DLL4: variants seen among roughly 807,000 people sequenced by gnomAD.
The protein encoded by DLL4 is delta-like protein 4.
Under a neutral mutation model 73.6 loss-of-function variants are expected in DLL4, and 7 were observed. The ratio of observed to expected loss-of-function variants is 0.10; its 90% CI spans 0.05 to 0.18. The LOEUF (loss-of-function observed/expected upper bound fraction) is 0.18. Ranked by LOEUF, DLL4 falls within the 10% of genes least tolerant of loss-of-function variation. The probability of loss-of-function intolerance (pLI) is 1.00; values close to 1 mark genes in which losing one functional copy is unlikely to be tolerated. For synonymous variants in DLL4, 345 were observed against 374.3 expected, an observed-to-expected ratio of 0.92 and a Z score of 0.90; for missense variants, 614 against 929.9, an observed-to-expected ratio of 0.66 and a Z score of 4.42.
In DLL4 at chr15:40,930,743, C is replaced by T. The variant is rs1892757587; in HGVS notation, c.394+61C>T. 6.5e-7 allele frequency: 1 copy of T among 1,541,186 alleles called. No homozygotes were observed. Among genetic ancestry groups the T allele is most frequent in the Non-Finnish European group, 8.9e-7 (1 of 1,120,494 alleles). On this transcript the variant is annotated intron_variant, in intron 3 of 10. Transcript: ENST00000249749. The surrounding 1 kb of genome is among the most constrained non-coding windows in gnomAD (Gnocchi z 5.7). ...ACGGCGCAGCGCCGAAAGAGTTAATCTGTTCTAGGCGGGGGAAGTGCGGGC... is the reference window on the plus strand; with the variant it reads ...ACGGCGCAGCGCCGAAAGAGTTAATTTGTTCTAGGCGGGGGAAGTGCGGGC...
chr15:40,932,340 G>A lies in DLL4; in HGVS notation c.743G>A (p.Arg248Gln), dbSNP rs139491690. ...ECLCRPGWQG[R>Q]LCNECIPHNG... ...AGCTGCCGCCCAGGCTGGCAGGGCC[G>A]GCTGTGTAACGAATGCATCCCCCAC... Residue 248 changes from arginine (R) to glutamine (Q), a missense_variant, in exon 6 of 11, where the codon CGG (arginine) becomes CAG (glutamine). Arg to Gln is a conservative substitution (Grantham distance 43, BLOSUM62 1). Coordinates refer to ENST00000249749, the MANE Select transcript of DLL4 (RefSeq NM_019074.4). The A allele has an allele frequency of 7.3e-4, 1,173 of 1,614,010 alleles. 2 individuals are homozygous for A. The highest frequency in any genetic ancestry group is 1.2e-3 in the Middle Eastern group (7 of 6,062).
chr15:40,936,145 C>A (rs1016842579), intron 8 of DLL4, 83 bp from the exon 9 acceptor site: 49 of 1,268,194 alleles, frequency 3.9e-5, no homozygotes, highest in Admixed American at 1.8e-4. Flanking sequence ...AGGGCCCGAA[C>A]GTGTTCCTGG....
At chr15:40,935,183 G>A in intron 8 of DLL4, 66 bp downstream of exon 8, 1 of 1,470,830 alleles carries the variant, frequency 6.8e-7, no homozygotes, top group Non-Finnish European at 9.2e-7. Flanking sequence ...TCTGGTGAGG[G>A]AGGGTCAGGA....
chr15:40,934,454 T>C (rs1892814501), intron 6 of DLL4, 94 bp from the exon 7 acceptor site: 1 of 1,363,958 alleles, frequency 7.3e-7, no homozygotes, highest in South Asian at 1.4e-5. Flanking sequence ...GAGGTGTCTT[T>C]GAGCCAAACA....
Position 40,932,540 on chromosome 15 carries a change from G to T in DLL4, c.850+93G>T. The stretch of plus-strand genomic sequence containing the variant: ...TCGTCACCTGGATCCTTCTTACTTG[G>T]TGACTGCAGACTTGGCTTTCCCATG... On this transcript the variant is annotated intron_variant, in intron 6 of 10. Transcript: ENST00000249749. 2.0e-6 allele frequency: 3 copies of T among 1,503,606 alleles called. No homozygotes were observed. The South Asian group carries it at 3.6e-5, about 18-fold the overall frequency. 93.1% of individuals were successfully genotyped at this position (1,503,606 alleles called of 1,614,324 possible). A position where few individuals can be genotyped will look rare whatever the true frequency, so the allele number is the denominator to read the frequency against.
At chr15:40,931,350 C>A (rs1025903188) in intron 3 of DLL4, 153 bp from the exon 4 acceptor site, 1 of 918,714 alleles carries the variant, frequency 1.1e-6, no homozygotes, top group Non-Finnish European at 1.6e-6. Context: ...GTCCCTCTGG[C>A]CTGTTCTTGC....
rs1390892163 is a variant in DLL4 at position 40,936,336 on chromosome 15, C to T, written c.1349C>T (p.Ala450Val). Reference protein sequence around the residue: ...HVSDCARNPCAHGGTCHDLEN... With the variant: ...HVSDCARNPCVHGGTCHDLEN... ...AGCGACTGTGCCCGTAACCCTTGCG[C>T]CCACGGTGGCACTTGCCATGACCTG... The change falls in exon 9 of 11, where the codon GCC (alanine) becomes GTC (valine). Residue 450 changes from alanine to valine, a missense_variant. Ala to Val is a moderately conservative substitution (Grantham distance 64). Around this residue, in one of 3 missense-constraint regions of DLL4, gnomAD observed 386 missense variants for 541.3 expected, o/e 0.71. Transcript: ENST00000249749. The T allele has an allele frequency of 1.2e-6, 2 of 1,609,954 alleles. No individual in the cohort carries two copies. The highest frequency in any genetic ancestry group is 1.7e-5 in the Admixed American group (1 of 59,560).
Position 40,930,565 on chromosome 15 carries a change from C to A in DLL4, c.337-60C>A, listed in dbSNP as rs1892752566. The A allele has an allele frequency of 5.0e-6, 7 of 1,414,050 alleles. No individual in the cohort carries two copies. Among genetic ancestry groups the A allele is most frequent in the Non-Finnish European group, 6.0e-6 (6 of 1,003,358 alleles). 87.6% of individuals were successfully genotyped at this position (1,414,050 alleles called of 1,614,324 possible). A position where few individuals can be genotyped will look rare whatever the true frequency, so the allele number is the denominator to read the frequency against. On this transcript the variant is annotated intron_variant, in intron 2 of 10. Coordinates refer to ENST00000249749, the MANE Select transcript of DLL4 (RefSeq NM_019074.4). This position sits in a 1 kb window ranked among gnomAD's most constrained non-coding sequence, Gnocchi z 5.7. Reference sequence around the variant, plus strand: ...AATTAAACAGGCTGCCGCAAGGCACCCCCACCTCTCCCCGCTTGCTCATCT... The same window carrying A: ...AATTAAACAGGCTGCCGCAAGGCACACCCACCTCTCCCCGCTTGCTCATCT...
In DLL4 at chr15:40,936,830, T is replaced by C. The variant is rs1205809767; in HGVS notation, c.1843T>C (p.Tyr615His). 6.2e-7 allele frequency: 1 copy of C among 1,613,482 alleles called. No homozygotes were observed. Among genetic ancestry groups the C allele is most frequent in the Non-Finnish European group, 8.5e-7 (1 of 1,179,878 alleles). The change falls in exon 9 of 11, where the codon TAT becomes CAT. Residue 615 changes from tyrosine (Y) to histidine (H), a missense_variant. Physicochemically the swap from Tyr to His is moderately conservative, Grantham distance 83. This residue lies in a region of DLL4 where 386 missense variants were observed against 541.3 expected (regional missense o/e 0.71). Coordinates refer to ENST00000249749, the MANE Select transcript of DLL4 (RefSeq NM_019074.4). Reference sequence around the variant, plus strand: ...CAAACAGCAAAACCACACATTGGACTATAATCTGGCCCCAGGGCCCCTGGG... The same window carrying C: ...CAAACAGCAAAACCACACATTGGACCATAATCTGGCCCCAGGGCCCCTGGG... The part of the protein sequence containing the change: ...CGKQQNHTLD[Y>H]NLAPGPLGRG...
rs28568593 is a variant in DLL4 at position 40,934,951 on chromosome 15, T to C, written c.1074T>C (p.His358=). 13,847 of 1,613,742 alleles carry C rather than the reference T, an allele frequency of 8.6e-3. 97 individuals are homozygous for C. The highest frequency in any genetic ancestry group is 0.035 in the African/African-American group (2,612 of 75,052). ...CLCPPGYYGL[H]CEHSTLSCAD... is the part of the protein sequence containing the mutation. ...GTCCTCCGGGCTACTATGGCCTGCA[T>C]TGTGAACACAGCACCTTGAGCTGCG... Residue 358 remains histidine (H), a synonymous_variant, in exon 8 of 11, where the codon CAT becomes CAC. Transcript: ENST00000249749.
chr15:40,929,898 G>C lies in DLL4; in HGVS notation c.118G>C (p.Glu40Gln), dbSNP rs763165309. The C allele has an allele frequency of 6.2e-7, 1 of 1,612,908 alleles. No individual in the cohort carries two copies. Residue 40 changes from glutamate (E) to glutamine (Q), a missense_variant, in exon 2 of 11, where the codon GAG becomes CAG. Transcript: ENST00000249749. This position sits in a 1 kb window ranked among gnomAD's most constrained non-coding sequence, Gnocchi z 7.1. Reference sequence around the variant, plus strand: ...GCTGCAGCTGCAGGAGTTCATCAACGAGCGCGGCGTACTGGCCAGTGGGCG... The same window carrying C: ...GCTGCAGCTGCAGGAGTTCATCAACCAGCGCGGCGTACTGGCCAGTGGGCG... ...FQLQLQEFIN[E>Q]RGVLASGRPC...
Position 40,930,090 on chromosome 15 carries a change from C to A in DLL4, c.310C>A (p.Gln104Lys). 3.1e-6 allele frequency: 5 copies of A among 1,607,006 alleles called. No individual in the cohort carries two copies. The highest frequency in any genetic ancestry group is 4.2e-6 in the Non-Finnish European group (5 of 1,177,574). Residue 104 changes from glutamine to lysine, a missense_variant, in exon 2 of 11, where the codon CAA (glutamine) becomes AAA (lysine). Gln to Lys is a moderately conservative substitution (Grantham distance 53). This residue lies in a region of DLL4 where 227 missense variants were observed against 370.8 expected (regional missense o/e 0.61). Transcript: ENST00000249749. The surrounding 1 kb of genome is among the most constrained non-coding windows in gnomAD (Gnocchi z 5.7). ...DSSGGGRNPL[Q>K]LPFNFTWPGT... ...TAGCGGCGGGGGGCGCAACCCTCTC[C>A]AACTGCCCTTCAATTTCACCTGGCC...
intron 6 of DLL4, 52 bp downstream of exon 6, chr15:40,932,499 G>C: frequency 6.2e-7 from 1 of 1,604,872 alleles, no homozygotes; most frequent in Non-Finnish European, 8.5e-7. Context: ...ATGGGGCTGG[G>C]GGGTGGAAAT....
rs372429686 is a variant in DLL4, at chr15:40,936,604, A to G, written c.1617A>G (p.Ala539=). ...WVAVSLGVGL[A]VLLVLLGMVA... Reference sequence around the variant, plus strand: ...CCGTCTCGCTGGGTGTGGGGCTGGCAGTGCTGCTGGTACTGCTGGGCATGG... The same window carrying G: ...CCGTCTCGCTGGGTGTGGGGCTGGCGGTGCTGCTGGTACTGCTGGGCATGG... The change falls in exon 9 of 11, where the codon GCA becomes GCG. Residue 539 remains alanine (A), a synonymous_variant. Coordinates refer to ENST00000249749, the MANE Select transcript of DLL4 (RefSeq NM_019074.4). 1 of 1,610,164 alleles carries G rather than the reference A, an allele frequency of 6.2e-7. No individual in the cohort carries two copies. The highest frequency in any genetic ancestry group is 1.3e-5 in the African/African-American group (1 of 74,860).
At position 40,930,315 on chromosome 15, in the gene DLL4, T is replaced by C; in HGVS notation, c.336+199T>C. 1.4e-6 allele frequency: 1 copy of C among 727,746 alleles called. No homozygotes were observed. The highest frequency in any genetic ancestry group is 2.2e-6 in the Non-Finnish European group (1 of 450,908). 45.1% of individuals were successfully genotyped at this position (727,746 alleles called of 1,614,324 possible). On this transcript the variant is annotated intron_variant, in intron 2 of 10. Transcript: ENST00000249749. The surrounding 1 kb of genome is among the most constrained non-coding windows in gnomAD (Gnocchi z 5.7). ...CTCTCACCAGTCTCCGTCTTCCCAGTTTATGTCCTCCCGTCCCCAGCTCTT... is the reference window on the plus strand; with the variant it reads ...CTCTCACCAGTCTCCGTCTTCCCAGCTTATGTCCTCCCGTCCCCAGCTCTT...
chr15:40,932,223 A>G lies in DLL4; in HGVS notation c.711A>G (p.Ala237=). 2 of 1,614,078 alleles carry G rather than the reference A, an allele frequency of 1.2e-6. No homozygotes were observed. The highest frequency in any genetic ancestry group is 8.5e-7 in the Non-Finnish European group (1 of 1,179,900). The part of the protein sequence containing the change: ...HEQNGYCSKP[A]ECLCRPGWQG... ...AGAATGGCTACTGCAGCAAGCCAGC[A>G]GAGTGCCTGTGAGTAGGGGACAGGA... Residue 237 remains alanine (A), a synonymous_variant, in exon 5 of 11, where the codon GCA becomes GCG. Coordinates refer to ENST00000249749, the MANE Select transcript of DLL4 (RefSeq NM_019074.4).
chr15:40,937,179 C>G (rs1262462696), intron 9 of DLL4, among the ~76,000 whole-genome samples: 1 of 152,204 alleles, frequency 6.6e-6, no homozygotes, highest in Non-Finnish European at 1.5e-5. Context: ...TGGCTTGCCT[C>G]TAGTGGCAGC....
Position 40,931,684 on chromosome 15 carries a change from T to C in DLL4, c.576T>C (p.Asn192=), listed in dbSNP as rs1329178016. 2 of 1,613,878 alleles carry C rather than the reference T, an allele frequency of 1.2e-6. No individual in the cohort carries two copies. The highest frequency in any genetic ancestry group is 1.3e-5 in the African/African-American group (1 of 75,078). Residue 192 remains asparagine (N), a synonymous_variant, in exon 4 of 11, where the codon AAT becomes AAC. Transcript: ENST00000249749. ...DNCSRLCKKR[N]DHFGHYVCQP... Reference sequence around the variant, plus strand: ...GCTCCCGCCTGTGCAAGAAGCGCAATGACCACTTCGGCCACTATGTGTGCC... The same window carrying C: ...GCTCCCGCCTGTGCAAGAAGCGCAACGACCACTTCGGCCACTATGTGTGCC...
chr15:40,937,861 A>G (rs1892866866), intron 10 of DLL4, among the ~76,000 whole-genome samples, 168 bp from the exon 11 acceptor site: 1 of 152,074 alleles, frequency 6.6e-6, no homozygotes, highest in Admixed American at 6.5e-5. Context: ...TCATGAGCGC[A>G]AGCTCCCAGG....
Sources: allele counts gnomAD v4.1 joint callset (sites outside exome capture counted in the v4.1 genomes callset), GRCh38; gene constraint gnomAD v4.1.1; regional missense constraint gnomAD v4.1.1; non-coding constraint Gnocchi (gnomAD v3.1); transcripts MANE v1.5; gene names NCBI Gene and HGNC (gene_info 2026-07-23, HGNC 2026-07-21).